FBLN7: variants seen among roughly 807,000 people sequenced by gnomAD.
The protein encoded by FBLN7 is fibulin-7.
A neutral mutation model predicts 44.0 loss-of-function variants in FBLN7; 31 were observed. The ratio of observed to expected loss-of-function variants is 0.70; its 90% CI spans 0.53 to 0.95. FBLN7 has a LOEUF of 0.95. Among genes scored for constraint, FBLN7 ranks in the 40% least tolerant of loss-of-function variants. The pLI is 0.00. For synonymous variants in FBLN7, 262 were observed against 253.4 expected (o/e 1.03, Z -0.32); for missense variants, 573 against 618.5 (o/e 0.93, Z 0.78).
Position 112,159,825 on chromosome 2 carries a change from TGCC to T in FBLN7, c.226_228del (p.Ala76del). The T allele has an allele frequency of 6.4e-7, 1 of 1,554,866 alleles. No individual in the cohort carries two copies. Among genetic ancestry groups the T allele is most frequent in the Admixed American group, 2.0e-5 (1 of 50,734 alleles). Reference sequence around the variant, plus strand: ...ACTCTGTGGGCAGGGTGGGCCCAGATGCCCTTCCAGGTGGGTCCCCACGTCGGC... The same window carrying T: ...ACTCTGTGGGCAGGGTGGGCCCAGATCTTCCAGGTGGGTCCCCACGTCGGC... On this transcript the variant is annotated inframe_deletion, in exon 2 of 8. Coordinates refer to ENST00000331203, the MANE Select transcript of FBLN7 (RefSeq NM_153214.3).
intron 5 of FBLN7, 147 bp downstream of exon 5, chr2:112,182,023 G>C: frequency 2.0e-6 from 2 of 987,916 alleles, no homozygotes; most frequent in Non-Finnish European, 2.8e-6. Flanking sequence ...TTATAGGTAA[G>C]TGTTGACCTA....
At chr2:112,147,840 C>T (rs188360533) in intron 1 of FBLN7, among the ~76,000 whole-genome samples, 2 of 152,228 alleles carry the variant, frequency 1.3e-5, no homozygotes, top group Non-Finnish European at 2.9e-5. Context: ...TTTTTCTACA[C>T]GGAAACTTTT....
chr2:112,153,658 C>T (rs778103895), intron 1 of FBLN7, among the ~76,000 whole-genome samples: 9 of 152,072 alleles, frequency 5.9e-5, no homozygotes, highest in African/African-American at 1.4e-4. Context: ...GGCAGGGGAC[C>T]GGGTGAGCCG....
chr2:112,154,233 G>A (rs964633111), intron 1 of FBLN7, among the ~76,000 whole-genome samples: 1 of 152,210 alleles, frequency 6.6e-6, no homozygotes, highest in Non-Finnish European at 1.5e-5. Flanking sequence ...CAAAGAAATG[G>A]AAACTATTCG....
At chr2:112,199,242 C>T in the FBLN7 span, among the ~76,000 whole-genome samples, 1 of 152,272 alleles carries the variant, frequency 6.6e-6, no homozygotes, top group Admixed American at 6.5e-5. Flanking sequence ...TGCAACTCTC[C>T]CTCTTTGCAT....
chr2:112,170,595 G>A (rs1303411568), intron 3 of FBLN7, among the ~76,000 whole-genome samples: 4 of 151,730 alleles, frequency 2.6e-5, no homozygotes, highest in African/African-American at 4.8e-5. Context: ...GGGAAGGGAA[G>A]AATTTGGCAC....
At chr2:112,239,118 CAGAA>C in the FBLN7 span, among the ~76,000 whole-genome samples, 5 of 152,214 alleles carry the variant, frequency 3.3e-5, no homozygotes, top group Non-Finnish European at 7.3e-5. Context: ...ACTTTACTTG[CAGAA>C]AGAGTTTCCT....
Position 112,181,789 on chromosome 2 carries a change from C to G in FBLN7, c.583C>G (p.Arg195Gly). 2 of 1,458,614 alleles carry G rather than the reference C, an allele frequency of 1.4e-6. No homozygotes were observed. The highest frequency in any genetic ancestry group is 1.8e-6 in the Non-Finnish European group (2 of 1,111,420). 90.4% of individuals were successfully genotyped at this position (1,458,614 alleles called of 1,614,324 possible). A position where few individuals can be genotyped will look rare whatever the true frequency, so the allele number is the denominator to read the frequency against. ...CGACTCCGCCTTCAGCCGCGCGCCG[C>G]GCTGTGCGCAGGTGGAGCGGGCTCA... ...AGDSAFSRAP[R>G]CAQVERAQHC... is the part of the protein sequence containing the mutation. Residue 195 changes from arginine (R) to glycine (G), a missense_variant, in exon 5 of 8, where the codon CGC (arginine) becomes GGC (glycine). By Grantham distance (125) the Arg-to-Gly change is moderately radical. Coordinates refer to ENST00000331203, the MANE Select transcript of FBLN7 (RefSeq NM_153214.3).
At chr2:112,211,603 GAATC>G in the FBLN7 span, 2 of 152,082 alleles carry the variant, frequency 1.3e-5, no homozygotes, top group Non-Finnish European at 2.9e-5. Context: ...AAATGCCACT[GAATC>G]AATAAGATTC....
At chr2:112,172,794 G>A (rs554070917) in intron 3 of FBLN7, among the ~76,000 whole-genome samples, 8 of 151,758 alleles carry the variant, frequency 5.3e-5, no homozygotes, top group Admixed American at 3.9e-4. Context: ...CACCATGCCC[G>A]GCTAATTTTT....
chr2:112,199,419 C>G, the FBLN7 span, among the ~76,000 whole-genome samples: 1 of 152,096 alleles, frequency 6.6e-6, no homozygotes, highest in African/African-American at 2.4e-5. Flanking sequence ...AACATTGCTG[C>G]TCTAGAGCTA....
chr2:112,161,652 CCCCTGCCCATGTGAGAGGG>C lies in FBLN7; in HGVS notation c.235+1845_235+1863del, dbSNP rs558346226. Among the ~76,000 whole-genome samples, 573 of 152,294 alleles carry C rather than the reference CCCCTGCCCATGTGAGAGGG, an allele frequency of 3.8e-3. 2 individuals carry two copies. Among genetic ancestry groups the C allele is most frequent in the African/African-American group, 0.012 (512 of 41,556 alleles). On this transcript the variant is annotated intron_variant, in intron 2 of 7. Coordinates refer to ENST00000331203, the MANE Select transcript of FBLN7 (RefSeq NM_153214.3). Reference sequence around the variant, plus strand: ...AGCCCACAGGGAATGTTATACAATTCCCCTGCCCATGTGAGAGGGCCCTGCCCATGTGAGAGGGCCCTGC... The same window carrying C: ...AGCCCACAGGGAATGTTATACAATTCCCCTGCCCATGTGAGAGGGCCCTGC...
the FBLN7 span, among the ~76,000 whole-genome samples, chr2:112,229,965 A>G: frequency 1.3e-5 from 2 of 151,912 alleles, no homozygotes; most frequent in South Asian, 4.1e-4. Flanking sequence ...CAAAAAACGA[A>G]AAGACCGTCC....
chr2:112,214,266 T>G, the FBLN7 span: 1 of 152,100 alleles, frequency 6.6e-6, no homozygotes, highest in Non-Finnish European at 1.5e-5. Context: ...TTTATGAAAT[T>G]ATTGAGAGAT....
intron 4 of FBLN7, among the ~76,000 whole-genome samples, chr2:112,179,618 C>T (rs1304521901): frequency 1.3e-5 from 2 of 152,188 alleles, no homozygotes; most frequent in African/African-American, 4.8e-5. Context: ...GTGACCAAAA[C>T]AGCATGGTAC....
the FBLN7 span, among the ~76,000 whole-genome samples, chr2:112,235,754 G>A: frequency 6.6e-6 from 1 of 151,950 alleles, no homozygotes; most frequent in African/African-American, 2.4e-5. Context: ...AGGAAGGTGG[G>A]GAGTGGGGAG....
chr2:112,198,639 AAAAG>A, the FBLN7 span, among the ~76,000 whole-genome samples: 85,501 of 136,076 alleles, frequency 0.63, 25,644 homozygotes, highest in African/African-American at 0.75. Context: ...GTCTCAAAAA[AAAAG>A]AAAGAAAGAA....
chr2:112,160,870 A>G (rs2104567806), intron 2 of FBLN7, among the ~76,000 whole-genome samples: 1 of 151,122 alleles, frequency 6.6e-6, no homozygotes, highest in South Asian at 2.1e-4. Flanking sequence ...ACACACACTC[A>G]GCCCGAGCCA....
At chr2:112,144,739 A>T (rs1426984346) in intron 1 of FBLN7, among the ~76,000 whole-genome samples, 1 of 151,810 alleles carries the variant, frequency 6.6e-6, no homozygotes, top group Non-Finnish European at 1.5e-5. Context: ...GTTAGCCAGG[A>T]TGGTCTCTAT....
Sources: allele counts gnomAD v4.1 joint callset (sites outside exome capture counted in the v4.1 genomes callset), GRCh38; gene constraint gnomAD v4.1.1; transcripts MANE v1.5; gene names NCBI Gene and HGNC (gene_info 2026-07-23, HGNC 2026-07-21).